The following NXN variants were observed in gnomAD, a reference collection of about 807,000 sequenced individuals.
NXN encodes nucleoredoxin 1.
Under a neutral mutation model 48.6 loss-of-function variants are expected in NXN, and 16 were observed. That is an observed-to-expected ratio of 0.33 (90% CI 0.22 to 0.50). NXN has a LOEUF of 0.50. Ranked by LOEUF, NXN falls within the 20% of genes least tolerant of loss-of-function variation. The pLI is 0.98. For synonymous variants in NXN, 281 were observed against 269.6 expected (o/e 1.04, Z -0.41); for missense variants, 492 against 605.5 (o/e 0.81, Z 1.97).
chr17:901,775 C>CT (rs1310040343), intron 1 of NXN, among the ~76,000 whole-genome samples: 1 of 152,186 alleles, frequency 6.6e-6, no homozygotes, highest in Non-Finnish European at 1.5e-5. Flanking sequence ...TCTCAGCTCA[C>CT]TGCAACCTCT....
intron 7 of NXN, 50 bp from the exon 8 acceptor site, chr17:801,181 G>A: frequency 1.4e-6 from 2 of 1,425,426 alleles, no homozygotes; most frequent in Non-Finnish European, 1.9e-6. Flanking sequence ...AAGAAAGGAG[G>A]GGGAGAGTCC....
chr17:926,417 G>T (rs2068799606), intron 1 of NXN, among the ~76,000 whole-genome samples: 2 of 152,100 alleles, frequency 1.3e-5, no homozygotes, highest in African/African-American at 2.4e-5. Flanking sequence ...GAACTCCTGG[G>T]CTCAAGCGAT....
intron 1 of NXN, among the ~76,000 whole-genome samples, chr17:834,246 T>C (rs972521650): frequency 6.6e-6 from 1 of 152,168 alleles, no homozygotes; most frequent in Admixed American, 6.5e-5. Flanking sequence ...GCTTTGAGCA[T>C]GGGAGGTCAA....
At chr17:837,525 G>T (rs910373069) in intron 1 of NXN, among the ~76,000 whole-genome samples, 2 of 152,208 alleles carry the variant, frequency 1.3e-5, no homozygotes, top group African/African-American at 2.4e-5. Flanking sequence ...TCCTAGGTCA[G>T]CCAGAACAGA....
intron 1 of NXN, among the ~76,000 whole-genome samples, chr17:856,232 A>G (rs2067984799): frequency 6.6e-6 from 1 of 152,000 alleles, no homozygotes; most frequent in Non-Finnish European, 1.5e-5. Context: ...TGCATTTGCC[A>G]AAAATATTTT....
chr17:811,868 C>T (rs1912033030), intron 5 of NXN, among the ~76,000 whole-genome samples: 1 of 150,764 alleles, frequency 6.6e-6, no homozygotes, highest in Non-Finnish European at 1.5e-5. Flanking sequence ...GGGTGATTCT[C>T]AAAACCCCAA....
At position 809,851 on chromosome 17, in the gene NXN, G is replaced by A. The variant is rs1175016001; in HGVS notation, c.821-4604C>T. On this transcript the variant is annotated intron_variant, in intron 5 of 7. Transcript: ENST00000336868. The stretch of plus-strand genomic sequence containing the variant: ...GGGCACCTTACGAGCCAGTGCGAGC[G>A]GCGGGCACCTTACGAGTCAGTGTGA... Among the ~76,000 whole-genome samples the A allele has an allele frequency of 4.0e-5, 6 of 151,650 alleles. No individual in the cohort carries two copies. In the South Asian group the frequency reaches 6.2e-4, roughly 16 times the overall value.
intron 1 of NXN, among the ~76,000 whole-genome samples, chr17:897,687 T>A (rs2068501235): frequency 1.4e-5 from 1 of 70,590 alleles, no homozygotes; most frequent in Non-Finnish European, 4.4e-5. Context: ...TCTTTTATTC[T>A]TTTTTCGAGA....
At chr17:879,430 C>A (rs9904828) in intron 1 of NXN, among the ~76,000 whole-genome samples, 32,606 of 151,324 alleles carry the variant, frequency 0.22, 3,623 homozygotes, top group Middle Eastern at 0.35. Context: ...GCTCAGATTA[C>A]AGGCGCCCAC....
chr17:945,146 G>C (rs1316032947), intron 1 of NXN, among the ~76,000 whole-genome samples: 2 of 151,934 alleles, frequency 1.3e-5, no homozygotes, highest in African/African-American at 4.8e-5. Context: ...CAGCGGCACA[G>C]TCTCGGCTCA....
At chr17:860,003 T>C (rs1052381934) in intron 1 of NXN, among the ~76,000 whole-genome samples, 2 of 152,176 alleles carry the variant, frequency 1.3e-5, no homozygotes, top group Admixed American at 6.5e-5. Flanking sequence ...GGGTTACTTC[T>C]GCAGTAAGGA....
chr17:955,422 G>A (rs559278320), intron 1 of NXN, among the ~76,000 whole-genome samples: 40 of 150,600 alleles, frequency 2.7e-4, no homozygotes, highest in Non-Finnish European at 5.2e-4. Context: ...CACCCGCCTC[G>A]GCCTCCCGAA....
At chr17:896,558 T>C (rs1825708907) in intron 1 of NXN, among the ~76,000 whole-genome samples, 1 of 152,218 alleles carries the variant, frequency 6.6e-6, no homozygotes, top group African/African-American at 2.4e-5. Flanking sequence ...TACCTCTCCC[T>C]GTTGCCTCGC....
chr17:803,046 C>T (rs1350213901), intron 7 of NXN, among the ~76,000 whole-genome samples: 4 of 152,178 alleles, frequency 2.6e-5, no homozygotes, highest in Non-Finnish European at 4.4e-5. Flanking sequence ...CGGAGACGCC[C>T]GTCTGCAGGG....
At chr17:853,723 A>ATTTTTTTTTTTT (rs1221156589) in intron 1 of NXN, among the ~76,000 whole-genome samples, 1 of 106,002 alleles carries the variant, frequency 9.4e-6, no homozygotes, top group African/African-American at 4.3e-5. Flanking sequence ...ATATATATAT[A>ATTTTTTTTTTTT]TTTTTTTTTT....
chr17:903,151 A>C (rs1211134190), intron 1 of NXN, among the ~76,000 whole-genome samples: 1 of 152,104 alleles, frequency 6.6e-6, no homozygotes, highest in African/African-American at 2.4e-5. Flanking sequence ...CAATAATAAA[A>C]GCAGCTAACA....
chr17:868,613 TC>T, intron 1 of NXN, among the ~76,000 whole-genome samples: 1 of 152,228 alleles, frequency 6.6e-6, no homozygotes, highest in African/African-American at 2.4e-5. Flanking sequence ...TCCCTCAGCC[TC>T]CCGAGTAGCT....
chr17:947,402 C>G (rs1365287698), intron 1 of NXN, among the ~76,000 whole-genome samples: 1 of 152,134 alleles, frequency 6.6e-6, no homozygotes, highest in Admixed American at 6.6e-5. Context: ...TCTGTACCCA[C>G]AGGTTCTACA....
intron 1 of NXN, among the ~76,000 whole-genome samples, chr17:892,324 T>A (rs551718110): frequency 6.6e-6 from 1 of 152,312 alleles, no homozygotes; most frequent in East Asian, 1.9e-4. Context: ...GGCATTTTAA[T>A]TGGACTCAGA....
Sources: allele counts gnomAD v4.1 joint callset (sites outside exome capture counted in the v4.1 genomes callset), GRCh38; gene constraint gnomAD v4.1.1; transcripts MANE v1.5; gene names NCBI Gene and HGNC (gene_info 2026-07-23, HGNC 2026-07-21).